Variants in MTMR9 observed in about 807,000 individuals in gnomAD.
MTMR9 encodes myotubularin-related protein 9.
MTMR9 carries 39 observed loss-of-function variants against 69.5 expected under a neutral mutation model. The ratio of observed to expected loss-of-function variants is 0.56; its 90% CI spans 0.43 to 0.73. The LOEUF (loss-of-function observed/expected upper bound fraction) is 0.73, where lower values mean the gene tolerates loss of function less well. Among genes scored for constraint, MTMR9 ranks in the 30% least tolerant of loss-of-function variants. The probability of loss-of-function intolerance (pLI) is 0.00; values close to 1 mark genes in which losing one functional copy is unlikely to be tolerated. For synonymous variants in MTMR9, 354 were observed against 240.8 expected (o/e 1.47, Z -4.35); for missense variants, 900 against 671.2 (o/e 1.34, Z -3.77).
intron 1 of MTMR9, among the ~76,000 whole-genome samples, chr8:11,285,660 C>G (rs970519813): frequency 6.6e-6 from 1 of 152,126 alleles, no homozygotes; most frequent in African/African-American, 2.4e-5. Flanking sequence ...AGGGTTGGCT[C>G]TCAAGGAAAG....
At chr8:11,313,595 G>A (rs1310890214) in intron 6 of MTMR9, among the ~76,000 whole-genome samples, 1 of 152,170 alleles carries the variant, frequency 6.6e-6, no homozygotes, top group African/African-American at 2.4e-5. Flanking sequence ...ACAGGCCATT[G>A]TAGGGTTATT....
At chr8:11,310,502 A>G (rs1287244986) in intron 6 of MTMR9, among the ~76,000 whole-genome samples, 1 of 152,206 alleles carries the variant, frequency 6.6e-6, no homozygotes, top group Non-Finnish European at 1.5e-5. Flanking sequence ...TCATAATAGA[A>G]TGGGTTGCTG....
chr8:11,308,405 A>T (rs531781101), intron 5 of MTMR9, among the ~76,000 whole-genome samples: 1 of 152,252 alleles, frequency 6.6e-6, no homozygotes, highest in South Asian at 2.1e-4. Context: ...GTCTGTTTTT[A>T]TGCCAGTGCC....
intron 1 of MTMR9, among the ~76,000 whole-genome samples, chr8:11,292,231 C>T (rs573033638): frequency 6.6e-6 from 1 of 152,088 alleles, no homozygotes; most frequent in African/African-American, 2.4e-5. Context: ...ATTTATTCAC[C>T]TGGTGATGGA....
intron 2 of MTMR9, chr8:11,298,850 T>A (rs1585114648): frequency 2.0e-6 from 2 of 985,230 alleles, no homozygotes; most frequent in Non-Finnish European, 2.4e-6. Flanking sequence ...CCTATGTCTG[T>A]TTTCCAGGAT....
intron 3 of MTMR9, 145 bp downstream of exon 3, chr8:11,300,293 C>A: frequency 1.2e-6 from 1 of 842,462 alleles, no homozygotes; most frequent in Non-Finnish European, 1.8e-6. Context: ...AGGATTGAAG[C>A]CATGCAGAGT....
At chr8:11,315,162 A>G (rs368510128) in intron 7 of MTMR9, 98 bp downstream of exon 7, 9 of 1,434,888 alleles carry the variant, frequency 6.3e-6, no homozygotes, top group African/African-American at 5.6e-5. Flanking sequence ...TCGATTGATT[A>G]AAATTTCTAA....
In MTMR9 at chr8:11,322,857, C is replaced by A; in HGVS notation, c.*69C>A. ...TCCGCCGTTCTCTCCTTGTGCCCTTCAGTTCACTTTTACACGGTAGCCTTG... is the reference window on the plus strand; with the variant it reads ...TCCGCCGTTCTCTCCTTGTGCCCTTAAGTTCACTTTTACACGGTAGCCTTG... On this transcript the variant is annotated 3_prime_UTR_variant, in exon 10 of 10. Transcript: ENST00000221086. 6.8e-7 allele frequency: 1 copy of A among 1,460,864 alleles called. No homozygotes were observed. Among genetic ancestry groups the A allele is most frequent in the Non-Finnish European group, 9.3e-7 (1 of 1,072,216 alleles). The allele number at this position is 1,460,864 out of a possible 1,614,324, so 90.5% of individuals were successfully genotyped here.
chr8:11,298,023 A>T, intron 2 of MTMR9: 2 of 441,006 alleles, frequency 4.5e-6, no homozygotes, highest in South Asian at 3.2e-5. Context: ...GTATACTCAA[A>T]TATATTCTGC....
At chr8:11,286,071 G>C (rs1799145056) in intron 1 of MTMR9, among the ~76,000 whole-genome samples, 1 of 147,264 alleles carries the variant, frequency 6.8e-6, no homozygotes, top group East Asian at 2.1e-4. Flanking sequence ...TTCTGTCTCA[G>C]CCTCCCGAGT....
At chr8:11,333,271 A>G in the MTMR9 span, among the ~76,000 whole-genome samples, 1 of 152,238 alleles carries the variant, frequency 6.6e-6, no homozygotes, top group Non-Finnish European at 1.5e-5. Context: ...AACTCATCAC[A>G]TTACAAGGGA....
At chr8:11,329,968 C>T (rs1417911247), downstream of MTMR9, among the ~76,000 whole-genome samples, 1 of 151,732 alleles carries the variant, frequency 6.6e-6, no homozygotes, top group Admixed American at 6.6e-5. Context: ...GCCCGGCCGC[C>T]CTGTCTGAGA....
chr8:11,305,611 A>G (rs1434794540), intron 4 of MTMR9, among the ~76,000 whole-genome samples: 3 of 152,332 alleles, frequency 2.0e-5, no homozygotes, highest in South Asian at 4.1e-4. Flanking sequence ...ACATTTCCAG[A>G]TGTATAGTTG....
rs1425509901 is a variant in MTMR9, at chr8:11,326,270, T to G, written c.*3482T>G. ...CATCAGGTTCACTTATTATCCGACC[T>G]TAATCTGGGATAAAGGTTTTGGTAT... On this transcript the variant is annotated 3_prime_UTR_variant, in exon 10 of 10. Transcript: ENST00000221086. 1 of 152,172 alleles carries G rather than the reference T, an allele frequency of 6.6e-6. No individual in the cohort carries two copies. 9.4% of individuals were successfully genotyped at this position (152,172 alleles called of 1,614,324 possible). A position where few individuals can be genotyped will look rare whatever the true frequency, so the allele number is the denominator to read the frequency against.
At chr8:11,310,386 A>G (rs1252231263) in intron 6 of MTMR9, among the ~76,000 whole-genome samples, 3 of 152,262 alleles carry the variant, frequency 2.0e-5, no homozygotes, top group Non-Finnish European at 4.4e-5. Context: ...TATAAGTATT[A>G]TCACCACATG....
intron 2 of MTMR9, among the ~76,000 whole-genome samples, chr8:11,296,111 A>ATG (rs1799549819): frequency 6.6e-6 from 1 of 152,062 alleles, no homozygotes; most frequent in South Asian, 2.1e-4. Flanking sequence ...ATATATATAT[A>ATG]CACATTATTA....
chr8:11,293,116 C>G (rs949353149), intron 1 of MTMR9, among the ~76,000 whole-genome samples: 1 of 152,180 alleles, frequency 6.6e-6, no homozygotes, highest in Non-Finnish European at 1.5e-5. Context: ...AATATTTCCC[C>G]TGAAGACCTT....
intron 4 of MTMR9, among the ~76,000 whole-genome samples, chr8:11,305,396 G>T (rs1423331437): frequency 6.6e-6 from 1 of 152,182 alleles, no homozygotes; most frequent in East Asian, 1.9e-4. Context: ...GTGAAAGGTG[G>T]AGCAGACGTA....
At chr8:11,334,931 A>G in the MTMR9 span, among the ~76,000 whole-genome samples, 1 of 152,222 alleles carries the variant, frequency 6.6e-6, no homozygotes, top group Non-Finnish European at 1.5e-5. Context: ...ATAGAGTGGA[A>G]CTTCCTCAAT....
Sources: allele counts gnomAD v4.1 joint callset (sites outside exome capture counted in the v4.1 genomes callset), GRCh38; gene constraint gnomAD v4.1.1; transcripts MANE v1.5; gene names NCBI Gene and HGNC (gene_info 2026-07-23, HGNC 2026-07-21).